The following FTO variants were observed in gnomAD, a reference collection of about 807,000 sequenced individuals.
FTO encodes alpha-ketoglutarate-dependent dioxygenase FTO.
A neutral mutation model predicts 63.9 loss-of-function variants in FTO; 47 were observed. That is an observed-to-expected ratio of 0.74 (90% CI 0.58 to 0.94). The LOEUF is 0.94. Among genes scored for constraint, FTO ranks in the 40% least tolerant of loss-of-function variants. The pLI, the probability that FTO is intolerant of heterozygous loss-of-function variation, is 0.00. For missense variants in FTO, 562 were observed against 618.1 expected (o/e 0.91, Z 0.96); for synonymous variants, 207 against 224.4 (o/e 0.92, Z 0.69).
chr16:53,771,112 A>G (rs112855081), intron 1 of FTO, among the ~76,000 whole-genome samples: 23 of 152,306 alleles, frequency 1.5e-4, no homozygotes, highest in African/African-American at 5.5e-4. Context: ...ATTAAGAAAT[A>G]TAGCAACTGC....
chr16:53,870,035 CTTT>C (rs1381293456), intron 4 of FTO, among the ~76,000 whole-genome samples: 1 of 152,066 alleles, frequency 6.6e-6, no homozygotes, highest in East Asian at 1.9e-4. Context: ...AAGCCTCAGT[CTTT>C]TAGTGAGTTT....
At chr16:53,717,570 CTGACT>C (rs1320798349) in intron 1 of FTO, among the ~76,000 whole-genome samples, 3 of 152,000 alleles carry the variant, frequency 2.0e-5, no homozygotes, top group Admixed American at 6.6e-5. Flanking sequence ...TGTTTATTGC[CTGACT>C]TTTATATTTT....
rs63031764 is a variant in FTO, at chr16:53,773,093, A to T, written c.46-37047A>T. ...ACTTGGGCCTTTGATTTATTTATTT[A>T]TTTTTTTTTTTGAGGAGTTCATATT... On this transcript the variant is annotated intron_variant, in intron 1 of 8. Transcript: ENST00000471389. Among the ~76,000 whole-genome samples, 158 of 137,020 alleles carry T rather than the reference A, an allele frequency of 1.2e-3. 1 individual carries two copies. Among genetic ancestry groups the T allele is most frequent in the South Asian group, 4.8e-3 (19 of 3,994 alleles). 89.9% of individuals were successfully genotyped at this position (137,020 alleles called of 152,430 possible).
At chr16:53,950,179 A>AC (rs1555497339) in intron 8 of FTO, among the ~76,000 whole-genome samples, 16 of 145,878 alleles carry the variant, frequency 1.1e-4, no homozygotes, top group Middle Eastern at 3.7e-3. Flanking sequence ...AAAAAAAAAA[A>AC]CTTAATCCAT....
At chr16:53,979,670 G>A (rs760919196) in intron 8 of FTO, among the ~76,000 whole-genome samples, 1 of 152,010 alleles carries the variant, frequency 6.6e-6, no homozygotes, top group South Asian at 2.1e-4. Flanking sequence ...TTATCAAAGT[G>A]TTGCTCCATA....
intron 8 of FTO, among the ~76,000 whole-genome samples, chr16:54,095,740 C>A (rs1198902499): frequency 2.0e-5 from 3 of 152,156 alleles, no homozygotes; most frequent in African/African-American, 4.8e-5. Flanking sequence ...GTCTTTTCTG[C>A]TGCCCCCCGC....
chr16:54,101,170 T>C (rs1331340069), intron 8 of FTO, among the ~76,000 whole-genome samples: 2 of 151,986 alleles, frequency 1.3e-5, no homozygotes, highest in African/African-American at 4.8e-5. Flanking sequence ...TGTGTGGAGG[T>C]TTGTTACATA....
At chr16:54,070,033 G>A (rs1176912307) in intron 8 of FTO, 1 of 151,654 alleles carries the variant, frequency 6.6e-6, no homozygotes, top group Non-Finnish European at 1.5e-5. Flanking sequence ...CATTTAACAG[G>A]TTATCTCATT....
intron 7 of FTO, among the ~76,000 whole-genome samples, chr16:53,899,250 A>C (rs1429165187): frequency 1.3e-5 from 2 of 151,140 alleles, no homozygotes; most frequent in African/African-American, 4.9e-5. Flanking sequence ...TTTTAATGAG[A>C]GGCTTAAGTA....
At chr16:53,766,431 C>G (rs550345896) in intron 1 of FTO, among the ~76,000 whole-genome samples, 1 of 152,264 alleles carries the variant, frequency 6.6e-6, no homozygotes, top group African/African-American at 2.4e-5. Context: ...CTGCATTGCC[C>G]AGGCTGGTCT....
intron 2 of FTO, among the ~76,000 whole-genome samples, chr16:53,823,848 G>T (rs1443736009): frequency 1.3e-5 from 2 of 151,992 alleles, no homozygotes; most frequent in Non-Finnish European, 2.9e-5. Flanking sequence ...TCATGCCATT[G>T]CACTCTAGCC....
At chr16:53,775,848 C>T (rs1287321343) in intron 1 of FTO, among the ~76,000 whole-genome samples, 1 of 152,108 alleles carries the variant, frequency 6.6e-6, no homozygotes, top group Non-Finnish European at 1.5e-5. Context: ...CTCCTTTCTT[C>T]ATACTTATAG....
At chr16:54,053,523 G>A (rs1195729445) in intron 8 of FTO, among the ~76,000 whole-genome samples, 1 of 152,162 alleles carries the variant, frequency 6.6e-6, no homozygotes, top group East Asian at 1.9e-4. Context: ...AATGAGGTCA[G>A]GCACTCGAAA....
rs556357629 is a variant in FTO, at chr16:53,815,636, G to GTTTTTTTTTTTTT, written c.123+5437_123+5449dup. Among the ~76,000 whole-genome samples the GTTTTTTTTTTTTT allele has an allele frequency of 1.5e-4, 15 of 98,150 alleles. 3 individuals carry two copies. The highest frequency in any genetic ancestry group is 6.5e-4 in the African/African-American group (12 of 18,540). 64.4% of individuals were successfully genotyped at this position (98,150 alleles called of 152,430 possible). On this transcript the variant is annotated intron_variant, in intron 2 of 8. Transcript: ENST00000471389. ...ACCCTATAAGGCCATTGACTTTCTT[G>GTTTTTTTTTTTTT]TTTTTTTTTTTTTTTTTTTTTTTTT...
chr16:53,897,478 G>A (rs1487664978), intron 7 of FTO, among the ~76,000 whole-genome samples: 1 of 152,180 alleles, frequency 6.6e-6, no homozygotes, highest in Non-Finnish European at 1.5e-5. Context: ...GCTGGTGGTA[G>A]CTTGAGCATA....
intron 7 of FTO, among the ~76,000 whole-genome samples, chr16:53,903,407 C>T (rs948131667): frequency 2.6e-5 from 4 of 152,044 alleles, no homozygotes; most frequent in South Asian, 2.1e-4. Flanking sequence ...TCCAGGTGCT[C>T]GCCACCACAC....
At chr16:53,785,417 TAAAC>T (rs879589805) in intron 1 of FTO, among the ~76,000 whole-genome samples, 5 of 152,146 alleles carry the variant, frequency 3.3e-5, no homozygotes, top group Non-Finnish European at 4.4e-5. Context: ...TACAAATAAA[TAAAC>T]AGAATATATG....
chr16:53,916,555 TG>T (rs2081871172), intron 7 of FTO, among the ~76,000 whole-genome samples: 1 of 152,202 alleles, frequency 6.6e-6, no homozygotes, highest in South Asian at 2.1e-4. Context: ...CATTGAACAT[TG>T]GGTATTCTTT....
intron 1 of FTO, among the ~76,000 whole-genome samples, chr16:53,761,724 A>T (rs13334933): frequency 6.6e-6 from 1 of 151,896 alleles, no homozygotes; most frequent in Non-Finnish European, 1.5e-5. Context: ...TTGGGTCTTA[A>T]TCTAAGCACT....
Sources: allele counts gnomAD v4.1 joint callset (sites outside exome capture counted in the v4.1 genomes callset), GRCh38; gene constraint gnomAD v4.1.1; transcripts MANE v1.5; gene names NCBI Gene and HGNC (gene_info 2026-07-23, HGNC 2026-07-21).